LRP1B: variants seen among roughly 807,000 people sequenced by gnomAD.
LRP1B encodes the protein LDL receptor related protein 1B.
LRP1B carries 217 observed loss-of-function variants against 556.6 expected under a neutral mutation model. The observed-to-expected ratio is 0.39, with a 90% CI of 0.35 to 0.44. LRP1B has a LOEUF of 0.44. LRP1B is among the 20% of genes least tolerant of loss of function. LRP1B has a pLI of 1.00. For synonymous variants in LRP1B, 2,047 were observed against 1,865.8 expected, an observed-to-expected ratio of 1.10 and a Z score of -2.50; for missense variants, 5,053 against 5,620.8, an observed-to-expected ratio of 0.90 and a Z score of 3.23.
At chr2:140,456,311 C>T (rs1687105049) in intron 62 of LRP1B, 144 bp downstream of exon 62, 3 of 681,684 alleles carry the variant, frequency 4.4e-6, no homozygotes, top group East Asian at 3.1e-5. Flanking sequence ...AGCTAAGGTC[C>T]CATTTTAATG....
At chr2:140,465,010 G>T (rs1027521271) in intron 60 of LRP1B, among the ~76,000 whole-genome samples, 2 of 152,166 alleles carry the variant, frequency 1.3e-5, no homozygotes, top group Non-Finnish European at 2.9e-5. Flanking sequence ...ATAAATACCT[G>T]AGACTGGGTA....
At chr2:140,820,331 C>T (rs140066361) in intron 31 of LRP1B, among the ~76,000 whole-genome samples, 13 of 152,254 alleles carry the variant, frequency 8.5e-5, no homozygotes, top group Non-Finnish European at 1.8e-4. Context: ...GAGTATACTG[C>T]CTTTATCTTA....
chr2:140,915,033 A>AAC (rs1694533726), intron 21 of LRP1B, among the ~76,000 whole-genome samples: 2 of 152,176 alleles, frequency 1.3e-5, no homozygotes, highest in African/African-American at 4.8e-5. Context: ...TAGGACTCAA[A>AAC]ACACAGAAGA....
intron 35 of LRP1B, among the ~76,000 whole-genome samples, chr2:140,748,129 ATATATAT>A (rs1559093656): frequency 0.06 from 4,129 of 69,314 alleles, 314 homozygotes; most frequent in Admixed American, 0.15. Context: ...ATATATATAT[ATATATAT>A]AATTCATATA....
At chr2:140,718,424 C>T (rs1687286591) in intron 35 of LRP1B, among the ~76,000 whole-genome samples, 1 of 152,016 alleles carries the variant, frequency 6.6e-6, no homozygotes, top group Non-Finnish European at 1.5e-5. Context: ...TATCCAACCA[C>T]GTCATACTGT....
At chr2:140,534,776 TG>T (rs1351079688) in intron 46 of LRP1B, among the ~76,000 whole-genome samples, 1 of 152,176 alleles carries the variant, frequency 6.6e-6, no homozygotes, top group African/African-American at 2.4e-5. Flanking sequence ...ATGCCAGCTT[TG>T]CCCCAGGCTC....
intron 1 of LRP1B, among the ~76,000 whole-genome samples, chr2:141,890,083 T>A (rs1474887434): frequency 6.6e-6 from 1 of 151,740 alleles, no homozygotes; most frequent in African/African-American, 2.4e-5. Flanking sequence ...GTCCCCTTAA[T>A]CTGGCTAATT....
intron 1 of LRP1B, among the ~76,000 whole-genome samples, chr2:141,858,908 C>T (rs896448611): frequency 4.0e-5 from 6 of 151,876 alleles, no homozygotes; most frequent in Non-Finnish European, 7.4e-5. Flanking sequence ...TAGGAGTAGA[C>T]GAAACAACCA....
chr2:140,728,898 T>C (rs551078663), intron 35 of LRP1B, among the ~76,000 whole-genome samples: 1 of 152,198 alleles, frequency 6.6e-6, no homozygotes, highest in African/African-American at 2.4e-5. Context: ...CTGTGAAGAT[T>C]AAATGAATCC....
chr2:141,103,102 C>T (rs1416608828), intron 7 of LRP1B, among the ~76,000 whole-genome samples: 1 of 151,692 alleles, frequency 6.6e-6, no homozygotes, highest in East Asian at 1.9e-4. Flanking sequence ...TGCTGAAGTA[C>T]ATGTCAACAG....
At chr2:141,097,063 A>G (rs1700341452) in intron 7 of LRP1B, among the ~76,000 whole-genome samples, 1 of 152,208 alleles carries the variant, frequency 6.6e-6, no homozygotes, top group Admixed American at 6.5e-5. Context: ...CTCCTAGCAT[A>G]GCAGCTGACA....
At chr2:140,948,977 G>A (rs1201306276) in intron 20 of LRP1B, among the ~76,000 whole-genome samples, 1 of 152,168 alleles carries the variant, frequency 6.6e-6, no homozygotes, top group East Asian at 1.9e-4. Context: ...AAAGACAAAA[G>A]GAATCTATGT....
chr2:140,932,114 C>T (rs948233937), intron 20 of LRP1B, among the ~76,000 whole-genome samples: 2 of 152,030 alleles, frequency 1.3e-5, no homozygotes, highest in African/African-American at 4.8e-5. Context: ...TAAGCACATA[C>T]TTATGAGATA....
intron 2 of LRP1B, among the ~76,000 whole-genome samples, chr2:141,693,484 A>G (rs12988477): frequency 0.13 from 20,141 of 150,910 alleles, 1,512 homozygotes; most frequent in South Asian, 0.17. Flanking sequence ...TAAAACATAA[A>G]TATATAATGT....
chr2:140,309,178 A>G (rs543986125), intron 83 of LRP1B, among the ~76,000 whole-genome samples: 47 of 151,992 alleles, frequency 3.1e-4, no homozygotes, highest in Non-Finnish European at 5.8e-4. Flanking sequence ...TATAGCTGTC[A>G]GGTTTTCTTA....
intron 2 of LRP1B, among the ~76,000 whole-genome samples, chr2:141,514,761 G>C (rs1383016241): frequency 1.3e-5 from 2 of 152,006 alleles, no homozygotes; most frequent in African/African-American, 4.8e-5. Context: ...GCCTACAGTT[G>C]GGCAAAATTA....
At chr2:140,925,794 T>A (rs1357378653) in intron 20 of LRP1B, among the ~76,000 whole-genome samples, 1 of 152,152 alleles carries the variant, frequency 6.6e-6, no homozygotes, top group Non-Finnish European at 1.5e-5. Context: ...TGGGCTGGCA[T>A]CCTTGCAAAG....
chr2:140,499,651 C>T (rs954773873), intron 55 of LRP1B, among the ~76,000 whole-genome samples: 5 of 151,838 alleles, frequency 3.3e-5, no homozygotes, highest in Non-Finnish European at 5.9e-5. Context: ...ATATTGAATG[C>T]TGTAGGCAAT....
intron 14 of LRP1B, among the ~76,000 whole-genome samples, chr2:141,007,690 C>T (rs1337651980): frequency 6.6e-6 from 1 of 151,370 alleles, no homozygotes; most frequent in Non-Finnish European, 1.5e-5. Context: ...ATTAATTCAA[C>T]ATATTTTGAG....
Sources: allele counts gnomAD v4.1 joint callset (sites outside exome capture counted in the v4.1 genomes callset), GRCh38; gene constraint gnomAD v4.1.1; transcripts MANE v1.5; gene names NCBI Gene and HGNC (gene_info 2026-07-23, HGNC 2026-07-21).